The following CBFA2T2 variants were observed in gnomAD, a reference collection of about 807,000 sequenced individuals.
CBFA2T2 encodes CBFA2/RUNX1 partner transcriptional co-repressor 2.
In CBFA2T2, 11 loss-of-function variants were observed where a neutral mutation model predicts 62.2. That is an observed-to-expected ratio of 0.18 (90% CI 0.11 to 0.29). CBFA2T2 has a LOEUF of 0.29. Among genes scored for constraint, CBFA2T2 ranks in the 10% least tolerant of loss-of-function variants. CBFA2T2 has a pLI of 1.00. For synonymous variants in CBFA2T2, 295 were observed against 287.5 expected, an observed-to-expected ratio of 1.03 and a Z score of -0.27; for missense variants, 592 against 774.1, an observed-to-expected ratio of 0.76 and a Z score of 2.79.
intron 1 of CBFA2T2, among the ~76,000 whole-genome samples, chr20:33,573,592 C>T (rs1481242229): frequency 6.6e-6 from 1 of 152,014 alleles, no homozygotes; most frequent in Non-Finnish European, 1.5e-5. Flanking sequence ...AGCAATTCTA[C>T]TGCCTCAGCC....
At chr20:33,575,147 G>A (rs1026658472) in intron 1 of CBFA2T2, among the ~76,000 whole-genome samples, 1 of 152,186 alleles carries the variant, frequency 6.6e-6, no homozygotes, top group Non-Finnish European at 1.5e-5. Context: ...ACTGCTATGC[G>A]AGGTAGCTGT....
At position 33,572,155 on chromosome 20, in the gene CBFA2T2, G is replaced by A. The variant is rs928340908; in HGVS notation, c.35-34801G>A. On this transcript the variant is annotated intron_variant, in intron 1 of 10. Transcript: ENST00000342704. ...TGATCTGCCAACCTTGTTTATATGAGGAAGTCCCTCATAAATTTTAGAATA... is the reference window on the plus strand; with the variant it reads ...TGATCTGCCAACCTTGTTTATATGAAGAAGTCCCTCATAAATTTTAGAATA... Among the ~76,000 whole-genome samples, 4 of 152,106 alleles carry A rather than the reference G, an allele frequency of 2.6e-5. No homozygotes were observed. The South Asian group carries it at 8.3e-4, about 31-fold the overall frequency.
At chr20:33,512,308 G>A (rs889980108) in intron 1 of CBFA2T2, among the ~76,000 whole-genome samples, 1 of 151,892 alleles carries the variant, frequency 6.6e-6, no homozygotes, top group Admixed American at 6.6e-5. Flanking sequence ...CCAAGATGGG[G>A]CTACTGCACT....
At chr20:33,631,039 G>A (rs562307071) in intron 8 of CBFA2T2, among the ~76,000 whole-genome samples, 2 of 152,344 alleles carry the variant, frequency 1.3e-5, no homozygotes, top group South Asian at 2.1e-4. Flanking sequence ...AACAGGCCGG[G>A]CGTGGTGGCT....
In CBFA2T2 at chr20:33,495,135, C is replaced by T. The variant is rs181088804; in HGVS notation, c.34+4834C>T. On this transcript the variant is annotated intron_variant, in intron 1 of 10. Transcript: ENST00000342704. ...TGTAATGGCTGGGTATGGTGGCTCG[C>T]GCCTGTAATCCCACCATTTGGAAGG... is the stretch of plus-strand genomic sequence containing the variant. Among the ~76,000 whole-genome samples, 133 of 151,886 alleles carry T rather than the reference C, an allele frequency of 8.8e-4. No homozygotes were observed. In the South Asian group the frequency reaches 0.013, roughly 15 times the overall value.
chr20:33,539,923 G>A (rs1394620316), intron 1 of CBFA2T2, among the ~76,000 whole-genome samples: 1 of 151,866 alleles, frequency 6.6e-6, no homozygotes, highest in Non-Finnish European at 1.5e-5. Flanking sequence ...GTTTCCCAAA[G>A]GCCTCCTCAA....
In CBFA2T2 at chr20:33,611,163, A is replaced by G. The variant is rs745936062; in HGVS notation, c.248A>G (p.Asn83Ser). 3.5e-5 allele frequency: 56 copies of G among 1,614,038 alleles called. No individual in the cohort carries two copies. Among genetic ancestry groups the G allele is most frequent in the Non-Finnish European group, 4.4e-5 (52 of 1,180,016 alleles). The change falls in exon 3 of 11, where the codon AAT becomes AGT. Residue 83 changes from asparagine to serine, a missense_variant. Physicochemically the swap from Asn to Ser is conservative, Grantham distance 46. Transcript: ENST00000342704. ...CCATCACCGCCACAGAGATTCAGCA[A>G]TGGTCCTGCCTCCTCCACATCATCT... ...GAPSPPQRFS[N>S]GPASSTSSAL...
intron 1 of CBFA2T2, among the ~76,000 whole-genome samples, chr20:33,560,039 C>A (rs1445041188): frequency 6.6e-6 from 1 of 152,134 alleles, no homozygotes; most frequent in African/African-American, 2.4e-5. Flanking sequence ...GTGAAAGACC[C>A]ACCTTGTTTT....
intron 1 of CBFA2T2, among the ~76,000 whole-genome samples, chr20:33,561,221 C>T (rs960891109): frequency 6.6e-6 from 1 of 151,934 alleles, no homozygotes; most frequent in Admixed American, 6.6e-5. Flanking sequence ...ACTGTGTTGC[C>T]CAGGCTGATC....
intron 1 of CBFA2T2, among the ~76,000 whole-genome samples, chr20:33,573,543 G>A (rs1480741339): frequency 4.6e-5 from 7 of 151,768 alleles, no homozygotes; most frequent in African/African-American, 1.7e-4. Context: ...GTGCAGTGGC[G>A]TGATCTTAGC....
At chr20:33,553,542 T>A (rs1441032050) in intron 1 of CBFA2T2, among the ~76,000 whole-genome samples, 1 of 152,210 alleles carries the variant, frequency 6.6e-6, no homozygotes, top group East Asian at 1.9e-4. Flanking sequence ...AGAGTTTAGT[T>A]TTTTGTAAAG....
chr20:33,493,866 A>G (rs1250754023), intron 1 of CBFA2T2, among the ~76,000 whole-genome samples: 2 of 151,866 alleles, frequency 1.3e-5, no homozygotes, highest in Admixed American at 1.3e-4. Context: ...ACATTCTATG[A>G]ATGTTTTATT....
At chr20:33,619,086 C>G (rs1035929415) in intron 3 of CBFA2T2, among the ~76,000 whole-genome samples, 2 of 152,116 alleles carry the variant, frequency 1.3e-5, no homozygotes, top group African/African-American at 4.8e-5. Context: ...ATTTAAAAGT[C>G]TTTAGCAGCT....
At chr20:33,561,298 C>T (rs553629953) in intron 1 of CBFA2T2, among the ~76,000 whole-genome samples, 19 of 152,164 alleles carry the variant, frequency 1.2e-4, no homozygotes, top group African/African-American at 3.4e-4. Context: ...TGATCTCAAA[C>T]GCCTGAGCTC....
chr20:33,597,815 T>G (rs906640493), intron 1 of CBFA2T2, among the ~76,000 whole-genome samples: 1 of 152,210 alleles, frequency 6.6e-6, no homozygotes, highest in Admixed American at 6.5e-5. Flanking sequence ...TTCTTTTATT[T>G]TTTGAAAAGA....
intron 1 of CBFA2T2, among the ~76,000 whole-genome samples, chr20:33,587,799 T>C (rs2014444415): frequency 6.6e-6 from 1 of 152,254 alleles, no homozygotes; most frequent in South Asian, 2.1e-4. Flanking sequence ...GTATTTCCTT[T>C]TAACTTGTTA....
intron 10 of CBFA2T2, among the ~76,000 whole-genome samples, chr20:33,642,446 A>G (rs914673255): frequency 3.9e-5 from 6 of 152,084 alleles, no homozygotes; most frequent in Non-Finnish European, 7.4e-5. Flanking sequence ...TGCCAAAAAA[A>G]AAATTTAAAA....
intron 1 of CBFA2T2, among the ~76,000 whole-genome samples, chr20:33,492,267 C>T (rs1318807840): frequency 2.6e-5 from 4 of 151,984 alleles, no homozygotes; most frequent in African/African-American, 7.2e-5. Flanking sequence ...AATTCACCCA[C>T]CTCAGCCTCC....
Position 33,581,723 on chromosome 20 carries a change from T to A in CBFA2T2, c.35-25233T>A, listed in dbSNP as rs193222500. 3.0e-4 allele frequency among the ~76,000 whole-genome samples: 46 copies of A among 152,322 alleles called. No homozygotes were observed. In the East Asian group the frequency reaches 8.7e-3, roughly 29 times the overall value. On this transcript the variant is annotated intron_variant, in intron 1 of 10. Transcript: ENST00000342704. The stretch of plus-strand genomic sequence containing the variant: ...GGTAAAAATTAGTTCTTGTGAGAGA[T>A]TCTATGCTGTGTAGGCCATCTGTTC...
Sources: gnomAD v4.1 joint callset for allele counts (sites outside exome capture counted in the v4.1 genomes callset) on GRCh38, gnomAD v4.1.1 for gene constraint, MANE v1.5 for transcripts, NCBI Gene and HGNC (gene_info 2026-07-23, HGNC 2026-07-21) for gene names.